PHACTR1: variants seen among roughly 807,000 people sequenced by gnomAD.
The protein encoded by PHACTR1 is RPEL repeat containing 1.
PHACTR1 carries 16 observed loss-of-function variants against 69.2 expected under a neutral mutation model. The ratio of observed to expected loss-of-function variants is 0.23; its 90% confidence interval spans 0.16 to 0.35. The LOEUF (loss-of-function observed/expected upper bound fraction) is 0.35, where lower values mean the gene tolerates loss of function less well. Ranked by LOEUF, PHACTR1 falls within the 10% of genes least tolerant of loss-of-function variation. PHACTR1 has a pLI of 1.00. For missense variants in PHACTR1, 510 were observed against 734.7 expected (o/e 0.69, Z 3.54); for synonymous variants, 312 against 284.5 (o/e 1.10, Z -0.97).
At position 12,770,156 on chromosome 6, in the gene PHACTR1, C is replaced by A. The variant is rs139321182; in HGVS notation, c.250+20366C>A. Among the ~76,000 whole-genome samples the A allele has an allele frequency of 4.5e-4, 68 of 152,296 alleles. 1 individual carries two copies. The East Asian group carries it at 0.012, about 27-fold the overall frequency. On this transcript the variant is annotated intron_variant, in intron 4 of 14. Transcript: ENST00000332995. ...TTGCTGTGCCCTCCCATTATGGGGA[C>A]TCTTAAACTGATTTTACAATTATTC... is the stretch of plus-strand genomic sequence containing the variant.
At chr6:12,813,261 T>C (rs1175035156) in intron 4 of PHACTR1, among the ~76,000 whole-genome samples, 1 of 152,222 alleles carries the variant, frequency 6.6e-6, no homozygotes, top group Non-Finnish European at 1.5e-5. Context: ...GCTAGGATAT[T>C]GGTTTCACAC....
chr6:12,965,262 T>C (rs990263787), intron 4 of PHACTR1, among the ~76,000 whole-genome samples: 1 of 152,202 alleles, frequency 6.6e-6, no homozygotes, highest in Admixed American at 6.5e-5. Flanking sequence ...AGTCTGCTTT[T>C]GCAAAATTTG....
At chr6:13,070,163 C>G (rs1043086905) in intron 5 of PHACTR1, among the ~76,000 whole-genome samples, 16 of 152,224 alleles carry the variant, frequency 1.1e-4, no homozygotes, top group Non-Finnish European at 2.4e-4. Flanking sequence ...GCCTCAATTT[C>G]ATTTCCTTAT....
chr6:13,003,937 G>T (rs1212411211), intron 4 of PHACTR1, among the ~76,000 whole-genome samples: 1 of 89,568 alleles, frequency 1.1e-5, no homozygotes. Flanking sequence ...TTTTTTTATG[G>T]CTCAGTAGTA....
At chr6:12,920,645 T>A (rs1378958616) in intron 4 of PHACTR1, among the ~76,000 whole-genome samples, 1 of 152,234 alleles carries the variant, frequency 6.6e-6, no homozygotes, top group Non-Finnish European at 1.5e-5. Context: ...ACATTATAAT[T>A]CATAAATTGT....
At chr6:12,734,370 G>A (rs1000287150) in intron 3 of PHACTR1, among the ~76,000 whole-genome samples, 36 of 152,232 alleles carry the variant, frequency 2.4e-4, no homozygotes, top group Admixed American at 1.6e-3. Flanking sequence ...CATAATAAAT[G>A]TTTATCAGGA....
At chr6:13,248,306 T>G (rs2127390430) in intron 10 of PHACTR1, among the ~76,000 whole-genome samples, 1 of 152,342 alleles carries the variant, frequency 6.6e-6, no homozygotes, top group East Asian at 1.9e-4. Flanking sequence ...TAGCTTTGTC[T>G]AGGCAGAAAT....
intron 4 of PHACTR1, chr6:12,957,676 A>G (rs1158353630): frequency 1.0e-6 from 1 of 985,456 alleles, no homozygotes; most frequent in African/African-American, 1.7e-5. Flanking sequence ...TGGAGAGACC[A>G]TCGTGGAGGC....
chr6:13,207,967 T>C (rs941891005), intron 8 of PHACTR1, among the ~76,000 whole-genome samples: 1 of 151,886 alleles, frequency 6.6e-6, no homozygotes, highest in African/African-American at 2.4e-5. Flanking sequence ...CACTGGGAGG[T>C]TGCTGTGTCT....
chr6:12,739,542 A>T (rs1303630628), intron 3 of PHACTR1, among the ~76,000 whole-genome samples: 3 of 151,982 alleles, frequency 2.0e-5, no homozygotes, highest in Admixed American at 6.6e-5. Flanking sequence ...ATAAATAAAT[A>T]AATTTATTTA....
intron 3 of PHACTR1, among the ~76,000 whole-genome samples, chr6:12,720,033 A>G (rs1331565460): frequency 6.6e-6 from 1 of 152,242 alleles, no homozygotes; most frequent in Admixed American, 6.5e-5. Flanking sequence ...TGGAGTCAAC[A>G]TGGCTGTTCC....
At chr6:13,083,257 A>G (rs1276983173) in intron 5 of PHACTR1, among the ~76,000 whole-genome samples, 1 of 151,838 alleles carries the variant, frequency 6.6e-6, no homozygotes, top group Non-Finnish European at 1.5e-5. Context: ...ATAGTTGTAG[A>G]TATGCGGCAT....
At chr6:13,091,368 T>G (rs1813263647) in intron 5 of PHACTR1, among the ~76,000 whole-genome samples, 1 of 151,916 alleles carries the variant, frequency 6.6e-6, no homozygotes, top group South Asian at 2.1e-4. Context: ...TGGACCAAAC[T>G]TGGCCTCTTA....
At chr6:12,967,373 T>C (rs1347870458) in intron 4 of PHACTR1, among the ~76,000 whole-genome samples, 1 of 152,136 alleles carries the variant, frequency 6.6e-6, no homozygotes, top group Non-Finnish European at 1.5e-5. Context: ...ATGCTGAGGG[T>C]TGCAAGAAGA....
chr6:12,831,313 G>A (rs1409848322), intron 4 of PHACTR1, among the ~76,000 whole-genome samples: 3 of 152,160 alleles, frequency 2.0e-5, no homozygotes, highest in Admixed American at 6.5e-5. Flanking sequence ...AGGTTTGTTA[G>A]AAAATAGAAA....
intron 4 of PHACTR1, among the ~76,000 whole-genome samples, chr6:12,874,839 C>T (rs1425766020): frequency 6.6e-6 from 1 of 152,188 alleles, no homozygotes; most frequent in African/African-American, 2.4e-5. Flanking sequence ...AATGACTTAA[C>T]ATATGCTTTG....
At chr6:13,206,769 C>A (rs1765987031) in intron 8 of PHACTR1, among the ~76,000 whole-genome samples, 1 of 152,166 alleles carries the variant, frequency 6.6e-6, no homozygotes, top group South Asian at 2.1e-4. Flanking sequence ...CCCACACCCA[C>A]ACCCACACTC....
At position 13,053,423 on chromosome 6, in the gene PHACTR1, C is replaced by T; in HGVS notation, c.309C>T (p.His103=). 1.2e-6 allele frequency: 2 copies of T among 1,613,736 alleles called. No individual in the cohort carries two copies. Among genetic ancestry groups the T allele is most frequent in the Non-Finnish European group, 1.7e-6 (2 of 1,179,786 alleles). Residue 103 remains histidine (H), a synonymous_variant, in exon 5 of 15, where the codon CAC becomes CAT. Transcript: ENST00000332995. ...CTGACTCCCTCGTCCCAGGCACCCA[C>T]ACCCCACCCATCCGCAGGAGAAGTA... ...MRSDSLVPGT[H]TPPIRRRSKF...
chr6:12,812,092 T>G lies in PHACTR1; in HGVS notation c.250+62302T>G, dbSNP rs9472619. ...CAGTGTTGTGCAGACACCATCTCTATCTAGTCCCAAAATGTTTTCATTACC... is the reference window on the plus strand; with the variant it reads ...CAGTGTTGTGCAGACACCATCTCTAGCTAGTCCCAAAATGTTTTCATTACC... On this transcript the variant is annotated intron_variant, in intron 4 of 14. Coordinates refer to ENST00000332995, the MANE Select transcript of PHACTR1 (RefSeq NM_030948.6). Among the ~76,000 whole-genome samples the G allele has an allele frequency of 5.0e-3, 754 of 152,266 alleles. 9 individuals are homozygous for G. Among genetic ancestry groups the G allele is most frequent in the African/African-American group, 0.017 (721 of 41,550 alleles).
Sources: allele counts gnomAD v4.1 joint callset (sites outside exome capture counted in the v4.1 genomes callset), GRCh38; gene constraint gnomAD v4.1.1; transcripts MANE v1.5; gene names NCBI Gene and HGNC (gene_info 2026-07-23, HGNC 2026-07-21).